The following DNAH7 variants were observed in gnomAD, a reference collection of about 807,000 sequenced individuals.
DNAH7 encodes the protein axonemal beta dynein heavy chain 7.
Under a neutral mutation model 444.6 loss-of-function variants are expected in DNAH7, and 397 were observed. The observed-to-expected ratio is 0.89, with a 90% confidence interval of 0.82 to 0.97. The LOEUF is 0.97. DNAH7 is among the 50% of genes least tolerant of loss of function. DNAH7 has a pLI of 0.00. For synonymous variants in DNAH7, 1,636 were observed against 1,624.4 expected (o/e 1.01, Z -0.17); for missense variants, 4,902 against 4,800.8 (o/e 1.02, Z -0.62).
rs375333662 is a variant in DNAH7 at position 195,775,972 on chromosome 2, G to A, written c.11076C>T (p.Tyr3692=). ...FVPPSGDHKS[Y]IEYTKTLPLT... ...GTGGCAGAGTCTTTGTGTATTCGATGTAGCTTTTGTGCTGCAGAGATGAAT... is the reference window on the plus strand; with the variant it reads ...GTGGCAGAGTCTTTGTGTATTCGATATAGCTTTTGTGCTGCAGAGATGAAT... Residue 3692 remains tyrosine (Y), a synonymous_variant, in exon 60 of 65, where the codon TAC becomes TAT. Coordinates refer to ENST00000312428, the MANE Select transcript of DNAH7 (RefSeq NM_018897.3). The A allele has an allele frequency of 1.5e-5, 24 of 1,613,952 alleles. No individual in the cohort carries two copies. The African/African-American group carries it at 2.4e-4, about 16-fold the overall frequency.
intron 44 of DNAH7, 114 bp downstream of exon 44, chr2:195,857,261 CAG>C (rs1417202229): frequency 1.1e-6 from 1 of 901,904 alleles, no homozygotes; most frequent in East Asian, 2.7e-5. Context: ...AAAGCAAATT[CAG>C]ACAGGATTTT....
intron 28 of DNAH7, among the ~76,000 whole-genome samples, chr2:195,898,398 TA>T (rs1686466842): frequency 6.6e-6 from 1 of 151,864 alleles, no homozygotes; most frequent in African/African-American, 2.4e-5. Flanking sequence ...TCTTCAGTTT[TA>T]TACACACTTC....
At chr2:196,010,326 T>A (rs946482486) in intron 10 of DNAH7, among the ~76,000 whole-genome samples, 1 of 152,042 alleles carries the variant, frequency 6.6e-6, no homozygotes, top group African/African-American at 2.4e-5. Context: ...ATTTTTGTAT[T>A]TTTAGTAGAG....
At chr2:195,931,770 A>C (rs1336041267) in intron 21 of DNAH7, among the ~76,000 whole-genome samples, 2 of 152,224 alleles carry the variant, frequency 1.3e-5, no homozygotes, top group East Asian at 1.9e-4. Flanking sequence ...CTGTTCTGTT[A>C]CATTGGTCTA....
chr2:196,003,920 A>G (rs1000459989), intron 10 of DNAH7, among the ~76,000 whole-genome samples: 2 of 152,212 alleles, frequency 1.3e-5, no homozygotes, highest in Non-Finnish European at 2.9e-5. Context: ...AAAATCAGTA[A>G]TTGGTTAAAA....
rs572503051 is a variant in DNAH7, at chr2:195,745,325, A to G, written c.11765-4456T>C. On this transcript the variant is annotated intron_variant, in intron 63 of 64. Transcript: ENST00000312428. The stretch of plus-strand genomic sequence containing the variant: ...AGAGAAAAAAGAATAAAAAGAAATG[A>G]ACAAAGCCTCCAAGAAATATGGGAT... 2.6e-5 allele frequency among the ~76,000 whole-genome samples: 4 copies of G among 152,320 alleles called. No homozygotes were observed. The South Asian group carries it at 8.3e-4, about 32-fold the overall frequency.
At chr2:195,745,678 A>G (rs1307653490) in intron 63 of DNAH7, among the ~76,000 whole-genome samples, 1 of 152,272 alleles carries the variant, frequency 6.6e-6, no homozygotes, top group Non-Finnish European at 1.5e-5. Flanking sequence ...TCTACAAGCC[A>G]GAAGAGAGTG....
intron 49 of DNAH7, 100 bp downstream of exon 49, chr2:195,824,155 C>G: frequency 8.8e-7 from 1 of 1,140,490 alleles, no homozygotes; most frequent in Non-Finnish European, 1.2e-6. Context: ...AAGGCAAAAT[C>G]CGTTTTTCTT....
chr2:196,050,693 T>C (rs11902840), intron 3 of DNAH7, among the ~76,000 whole-genome samples: 82,100 of 151,972 alleles, frequency 0.54, 23,600 homozygotes, highest in South Asian at 0.65. Context: ...TAACTGCCTC[T>C]TCCACAAGAC....
chr2:195,966,755 A>C (rs528008493), intron 17 of DNAH7, among the ~76,000 whole-genome samples: 1 of 152,198 alleles, frequency 6.6e-6, no homozygotes, highest in African/African-American at 2.4e-5. Flanking sequence ...TGATACAAGC[A>C]TTGTTACTCC....
intron 15 of DNAH7, among the ~76,000 whole-genome samples, chr2:195,975,357 C>T (rs1221691967): frequency 6.6e-6 from 1 of 152,066 alleles, no homozygotes; most frequent in Non-Finnish European, 1.5e-5. Context: ...TCAGCAAATG[C>T]CCATGGAGGG....
At chr2:195,791,255 C>T (rs138957163) in intron 57 of DNAH7, among the ~76,000 whole-genome samples, 2,545 of 151,592 alleles carry the variant, frequency 0.017, 70 homozygotes, top group African/African-American at 0.058. Flanking sequence ...ATCACGAGGT[C>T]AGGAGATCGA....
Position 195,835,717 on chromosome 2 carries a change from GC to G in DNAH7, c.8946-1358del, listed in dbSNP as rs548901404. On this transcript the variant is annotated intron_variant, in intron 47 of 64. Coordinates refer to ENST00000312428, the MANE Select transcript of DNAH7 (RefSeq NM_018897.3). ...AAATTAGCTGGGCGTGGTGGTGCAT[GC>G]CTGTAATCCCAGCTACTCAAGAGGC... Among the ~76,000 whole-genome samples, 704 of 152,168 alleles carry G rather than the reference GC, an allele frequency of 4.6e-3. 8 individuals are homozygous for G. The highest frequency in any genetic ancestry group is 8.3e-3 in the Non-Finnish European group (564 of 67,976).
chr2:195,863,579 G>C (rs1216922420), intron 41 of DNAH7, among the ~76,000 whole-genome samples: 1 of 152,100 alleles, frequency 6.6e-6, no homozygotes, highest in Non-Finnish European at 1.5e-5. Context: ...ACTCCTTTGG[G>C]TTTAGCTAAT....
intron 12 of DNAH7, among the ~76,000 whole-genome samples, chr2:195,991,476 AAAACAAAAC>A (rs1243438164): frequency 6.6e-6 from 1 of 152,070 alleles, no homozygotes; most frequent in Non-Finnish European, 1.5e-5. Flanking sequence ...CAACAAAAAT[AAAACAAAAC>A]AAAATAACAC....
chr2:195,834,415 CT>C (rs1249808244), intron 47 of DNAH7, 55 bp from the exon 48 acceptor site: 26 of 1,517,098 alleles, frequency 1.7e-5, no homozygotes, highest in Non-Finnish European at 2.1e-5. Flanking sequence ...TTCTACACTA[CT>C]TAATCATGTT....
intron 19 of DNAH7, among the ~76,000 whole-genome samples, chr2:195,937,337 T>A (rs939220617): frequency 2.0e-5 from 3 of 152,154 alleles, no homozygotes; most frequent in Non-Finnish European, 2.9e-5. Flanking sequence ...TTTATAACAC[T>A]TCTTGCTGAA....
chr2:196,002,708 T>C (rs1694115741), intron 10 of DNAH7, among the ~76,000 whole-genome samples: 1 of 152,156 alleles, frequency 6.6e-6, no homozygotes, highest in African/African-American at 2.4e-5. Context: ...TTGTAGAAGA[T>C]ATAAAAAATA....
intron 58 of DNAH7, among the ~76,000 whole-genome samples, chr2:195,781,744 C>G (rs990326420): frequency 6.6e-6 from 1 of 151,224 alleles, no homozygotes; most frequent in Non-Finnish European, 1.5e-5. Flanking sequence ...AAATGAAGAT[C>G]TCTATCTACT....
Sources: gnomAD v4.1 joint callset for allele counts (sites outside exome capture counted in the v4.1 genomes callset) on GRCh38, gnomAD v4.1.1 for gene constraint, MANE v1.5 for transcripts, NCBI Gene and HGNC (gene_info 2026-07-23, HGNC 2026-07-21) for gene names.